The following ARHGAP26 variants were observed in gnomAD, a reference collection of about 807,000 sequenced individuals.
The protein encoded by ARHGAP26 is Rho GTPase activating protein 26, also known as rho GTPase-activating protein 26.
A neutral mutation model predicts 104.8 loss-of-function variants in ARHGAP26; 38 were observed. That is an observed-to-expected ratio of 0.36 (90% CI 0.28 to 0.48). The LOEUF (loss-of-function observed/expected upper bound fraction) is 0.48, where lower values mean the gene tolerates loss of function less well. ARHGAP26 is among the 20% of genes least tolerant of loss of function. The probability of loss-of-function intolerance (pLI) is 0.99; values close to 1 mark genes in which losing one functional copy is unlikely to be tolerated. For missense variants in ARHGAP26, 704 were observed against 947.9 expected (o/e 0.74, Z 3.38); for synonymous variants, 341 against 340.0 (o/e 1.00, Z -0.03).
intron 11 of ARHGAP26, among the ~76,000 whole-genome samples, chr5:142,945,674 T>G (rs1767000025): frequency 6.6e-6 from 1 of 152,232 alleles, no homozygotes; most frequent in African/African-American, 2.4e-5. Context: ...AAACTTTTTA[T>G]TTTGAAATAA....
intron 20 of ARHGAP26, among the ~76,000 whole-genome samples, chr5:143,152,113 T>A (rs1327111875): frequency 3.3e-5 from 5 of 152,140 alleles, no homozygotes; most frequent in Admixed American, 6.5e-5. Flanking sequence ...ACAGGGTATT[T>A]TTTTCGCGGT....
intron 8 of ARHGAP26, among the ~76,000 whole-genome samples, chr5:142,906,875 ATTTTT>A: frequency 6.7e-6 from 1 of 148,760 alleles, no homozygotes; most frequent in South Asian, 2.1e-4. Context: ...TGTTTAAACA[ATTTTT>A]TTTTTTTAAC....
At chr5:142,900,982 T>C (rs1307847007) in intron 6 of ARHGAP26, among the ~76,000 whole-genome samples, 2 of 152,160 alleles carry the variant, frequency 1.3e-5, no homozygotes, top group Non-Finnish European at 2.9e-5. Context: ...TAAATCTCGT[T>C]CGGGCTTTTA....
intron 1 of ARHGAP26, among the ~76,000 whole-genome samples, chr5:142,779,841 G>A (rs1313658591): frequency 6.6e-6 from 1 of 152,180 alleles, no homozygotes; most frequent in Admixed American, 6.5e-5. Context: ...TATCACACTT[G>A]TGGGTCAGGG....
At position 143,209,658 on chromosome 5, in the gene ARHGAP26, G is replaced by A. The variant is rs541614680; in HGVS notation, c.2099+2350G>A. The stretch of plus-strand genomic sequence containing the variant: ...TAGCCAGGCATGGTGGTGGGCGCCT[G>A]TAATCCCAGCTACTCAGGAGGCTAA... On this transcript the variant is annotated intron_variant, in intron 21 of 22. Coordinates refer to ENST00000645722, the MANE Select transcript of ARHGAP26 (RefSeq NM_001135608.3). 4.9e-3 allele frequency among the ~76,000 whole-genome samples: 742 copies of A among 152,166 alleles called. 2 individuals are homozygous for A. The highest frequency in any genetic ancestry group is 0.01 in the Middle Eastern group (3 of 294).
intron 19 of ARHGAP26, among the ~76,000 whole-genome samples, chr5:143,142,652 A>T (rs1256708685): frequency 6.6e-6 from 1 of 152,208 alleles, no homozygotes; most frequent in African/African-American, 2.4e-5. Flanking sequence ...TGTCACTATT[A>T]TCAGGAACAA....
chr5:142,824,172 GTTCC>G (rs1464217045), intron 1 of ARHGAP26, among the ~76,000 whole-genome samples: 5 of 152,120 alleles, frequency 3.3e-5, no homozygotes, highest in Non-Finnish European at 5.9e-5. Flanking sequence ...TGCAGTTCGC[GTTCC>G]CATGCTCTGT....
At chr5:142,876,654 C>T (rs1456044035) in intron 3 of ARHGAP26, among the ~76,000 whole-genome samples, 2 of 150,686 alleles carry the variant, frequency 1.3e-5, no homozygotes, top group Non-Finnish European at 3.0e-5. Flanking sequence ...GTGACGTATG[C>T]TTGTAGTCCC....
chr5:142,994,974 A>T (rs113884211), intron 11 of ARHGAP26, among the ~76,000 whole-genome samples: 2 of 152,230 alleles, frequency 1.3e-5, no homozygotes, highest in African/African-American at 4.8e-5. Context: ...GGCTAGCCAT[A>T]TGGAGAAAAC....
At chr5:142,876,144 C>T (rs1034538432) in intron 3 of ARHGAP26, among the ~76,000 whole-genome samples, 2 of 152,072 alleles carry the variant, frequency 1.3e-5, no homozygotes, top group Non-Finnish European at 2.9e-5. Context: ...GAATGAAGTC[C>T]CCTGCTGACT....
intron 11 of ARHGAP26, among the ~76,000 whole-genome samples, chr5:142,960,519 A>G (rs1166184526): frequency 2.0e-5 from 3 of 152,232 alleles, no homozygotes; most frequent in Non-Finnish European, 4.4e-5. Flanking sequence ...GTCACCTAGT[A>G]GCCATCTAGG....
chr5:143,065,079 G>A lies in ARHGAP26; in HGVS notation c.1538+7332G>A, dbSNP rs149244572. Among the ~76,000 whole-genome samples, 211 of 152,206 alleles carry A rather than the reference G, an allele frequency of 1.4e-3. 1 individual carries two copies. Among genetic ancestry groups the A allele is most frequent in the African/African-American group, 4.7e-3 (194 of 41,520 alleles). On this transcript the variant is annotated intron_variant, in intron 17 of 22. Coordinates refer to ENST00000645722, the MANE Select transcript of ARHGAP26 (RefSeq NM_001135608.3). ...CCCCTCCCAAATTAAGGGAGGAGTGGGAGGAAGACACTCTGTTTTTCTTAC... is the reference window on the plus strand; with the variant it reads ...CCCCTCCCAAATTAAGGGAGGAGTGAGAGGAAGACACTCTGTTTTTCTTAC...
intron 1 of ARHGAP26, among the ~76,000 whole-genome samples, chr5:142,858,061 C>G (rs1015199218): frequency 3.7e-5 from 5 of 134,316 alleles, no homozygotes; most frequent in African/African-American, 5.8e-5. Flanking sequence ...GAGAGAGAAT[C>G]TGTGTGTGTG....
intron 10 of ARHGAP26, among the ~76,000 whole-genome samples, chr5:142,922,976 G>T (rs1763402290): frequency 6.6e-6 from 1 of 152,140 alleles, no homozygotes; most frequent in Admixed American, 6.5e-5. Flanking sequence ...CATGACTTGA[G>T]TTGGGAGACG....
intron 1 of ARHGAP26, among the ~76,000 whole-genome samples, chr5:142,818,499 G>T (rs1354179645): frequency 6.6e-6 from 1 of 152,184 alleles, no homozygotes; most frequent in Non-Finnish European, 1.5e-5. Flanking sequence ...AGGTCTACTT[G>T]GGGTCTCTGT....
chr5:143,071,837 G>A (rs1005199470), intron 17 of ARHGAP26, among the ~76,000 whole-genome samples: 8 of 152,108 alleles, frequency 5.3e-5, no homozygotes, highest in African/African-American at 1.9e-4. Flanking sequence ...CCAGGGAGGG[G>A]GAGGTTGCAG....
chr5:142,803,666 C>T (rs1228156279), intron 1 of ARHGAP26, among the ~76,000 whole-genome samples: 1 of 152,182 alleles, frequency 6.6e-6, no homozygotes, highest in Non-Finnish European at 1.5e-5. Context: ...AATCCTCCTG[C>T]AGCACGTCAG....
chr5:143,153,493 A>G (rs1223831816), intron 20 of ARHGAP26, among the ~76,000 whole-genome samples: 1 of 152,196 alleles, frequency 6.6e-6, no homozygotes, highest in Admixed American at 6.5e-5. Flanking sequence ...TCTGGGAGAG[A>G]GTGATTTTAA....
At chr5:143,205,221 T>C (rs1808379684) in intron 20 of ARHGAP26, among the ~76,000 whole-genome samples, 1 of 152,158 alleles carries the variant, frequency 6.6e-6, no homozygotes, top group East Asian at 1.9e-4. Flanking sequence ...CTGTCGCTTC[T>C]TGTCAAATAT....
Sources: gnomAD v4.1 joint callset for allele counts (sites outside exome capture counted in the v4.1 genomes callset) on GRCh38, gnomAD v4.1.1 for gene constraint, MANE v1.5 for transcripts, NCBI Gene and HGNC (gene_info 2026-07-23, HGNC 2026-07-21) for gene names.